The following DPEP1 variants were observed in gnomAD, a reference collection of about 807,000 sequenced individuals.
The protein encoded by DPEP1 is dipeptidase 1.
DPEP1 carries 50 observed loss-of-function variants against 42.3 expected under a neutral mutation model. The ratio of observed to expected loss-of-function variants is 1.18; its 90% CI spans 0.94 to 1.50. DPEP1 has a LOEUF of 1.50. Among genes scored for constraint, DPEP1 ranks in the 40% most tolerant of loss-of-function variants. The probability of loss-of-function intolerance (pLI) is 0.00; values close to 1 mark genes in which losing one functional copy is unlikely to be tolerated. For missense variants in DPEP1, 663 were observed against 553.0 expected, an observed-to-expected ratio of 1.20 and a Z score of -1.99; for synonymous variants, 297 against 234.0, an observed-to-expected ratio of 1.27 and a Z score of -2.46.
chr16:89,626,673 G>A (rs564190219), intron 1 of DPEP1, among the ~76,000 whole-genome samples: 1 of 152,210 alleles, frequency 6.6e-6, no homozygotes, highest in East Asian at 1.9e-4. Flanking sequence ...GTTTTTAAAA[G>A]TGTTTGGCAG....
intron 1 of DPEP1, among the ~76,000 whole-genome samples, chr16:89,628,921 G>A (rs2059550300): frequency 6.6e-6 from 1 of 151,786 alleles, no homozygotes; most frequent in Admixed American, 6.6e-5. Flanking sequence ...CCGCCTCCCG[G>A]GTTCAAGTGA....
rs947654116 is a variant in DPEP1, at chr16:89,638,275, G to T, written c.*53G>T. 1 of 1,484,896 alleles carries T rather than the reference G, an allele frequency of 6.7e-7. No individual in the cohort carries two copies. Among genetic ancestry groups the T allele is most frequent in the Non-Finnish European group, 8.9e-7 (1 of 1,119,552 alleles). The allele number at this position is 1,484,896 out of a possible 1,614,324, so 92.0% of individuals were successfully genotyped here. On this transcript the variant is annotated 3_prime_UTR_variant, in exon 11 of 11. Coordinates refer to ENST00000690203, the MANE Select transcript of DPEP1 (RefSeq NM_001389466.1). Reference sequence around the variant, plus strand: ...GGTTCCCGGAGCTCCGGGAAGACCCGCCCATCCCAGGACTCCAGATGCCAG... The same window carrying T: ...GGTTCCCGGAGCTCCGGGAAGACCCTCCCATCCCAGGACTCCAGATGCCAG...
intron 1 of DPEP1, among the ~76,000 whole-genome samples, chr16:89,622,356 A>T (rs1208044109): frequency 6.6e-6 from 1 of 152,126 alleles, no homozygotes; most frequent in East Asian, 1.9e-4. Flanking sequence ...GGTGGAAGAA[A>T]CAGAATTAAA....
chr16:89,641,352 C>T (rs1330343738), downstream of DPEP1, among the ~76,000 whole-genome samples: 11 of 152,150 alleles, frequency 7.2e-5, no homozygotes, highest in Admixed American at 6.5e-4. Flanking sequence ...CAGGCACTGA[C>T]GTGACCGCTA....
At chr16:89,628,382 C>G (rs935005012) in intron 1 of DPEP1, among the ~76,000 whole-genome samples, 9 of 150,654 alleles carry the variant, frequency 6.0e-5, no homozygotes, top group African/African-American at 2.2e-4. Context: ...CTCAGCCTCC[C>G]GAGTAGCTGG....
chr16:89,633,535 AG>A (rs1426723407), intron 2 of DPEP1, among the ~76,000 whole-genome samples: 2 of 152,192 alleles, frequency 1.3e-5, no homozygotes, highest in African/African-American at 4.8e-5. Context: ...CATAGATTTG[AG>A]CTGGGTCACA....
At position 89,638,367 on chromosome 16, in the gene DPEP1, A is replaced by T; in HGVS notation, c.*145A>T. On this transcript the variant is annotated 3_prime_UTR_variant, in exon 11 of 11. Coordinates refer to ENST00000690203, the MANE Select transcript of DPEP1 (RefSeq NM_001389466.1). ...GGACGCCTGGGCTTACCTGGGGGGC[A>T]GGATGCCTGGGGACAGTTCAGGACA... 7.0e-7 allele frequency: 1 copy of T among 1,424,352 alleles called. No individual in the cohort carries two copies. Among genetic ancestry groups the T allele is most frequent in the Non-Finnish European group, 9.1e-7 (1 of 1,094,258 alleles). The allele number at this position is 1,424,352 out of a possible 1,614,324, so 88.2% of individuals were successfully genotyped here. A position where few individuals can be genotyped will look rare whatever the true frequency, so the allele number is the denominator to read the frequency against.
chr16:89,625,460 A>G (rs1476146288), intron 1 of DPEP1, among the ~76,000 whole-genome samples: 1 of 152,190 alleles, frequency 6.6e-6, no homozygotes, highest in East Asian at 1.9e-4. Context: ...ACTGGGATCC[A>G]GTTTCCACGT....
rs766770308 is a variant in DPEP1 at position 89,637,383 on chromosome 16, G to A, written c.768+3G>A. On this transcript the variant is annotated splice_donor_region_variant and intron_variant, in intron 7 of 10. Coordinates refer to ENST00000690203, the MANE Select transcript of DPEP1 (RefSeq NM_001389466.1). ...CTGACGACGTCCTGAGGCTGGTGGTGAGGGCCGAGGGGGCGACCTCCACCC... is the reference window on the plus strand; with the variant it reads ...CTGACGACGTCCTGAGGCTGGTGGTAAGGGCCGAGGGGGCGACCTCCACCC... 2.3e-5 allele frequency: 37 copies of A among 1,612,088 alleles called. No homozygotes were observed. The highest frequency in any genetic ancestry group is 2.9e-5 in the Non-Finnish European group (34 of 1,179,864).
chr16:89,634,091 C>CTTCT lies in DPEP1; in HGVS notation c.105-1815_105-1814insCTTT, dbSNP rs1555631796. 1.3e-4 allele frequency among the ~76,000 whole-genome samples: 16 copies of CTTCT among 123,694 alleles called. No individual in the cohort carries two copies. The East Asian group carries it at 2.0e-3, about 15-fold the overall frequency. The allele number at this position is 123,694 out of a possible 152,430, so 81.1% of individuals were successfully genotyped here. A position where few individuals can be genotyped will look rare whatever the true frequency, so the allele number is the denominator to read the frequency against. On this transcript the variant is annotated intron_variant, in intron 2 of 10. Transcript: ENST00000690203. ...TATTTTTCTTTTCTCTTCTCTTCTT[C>CTTCT]TTTTTTTTTTTTTTTTGGAGGGAGT...
chr16:89,626,994 G>T (rs1023261561), intron 1 of DPEP1, among the ~76,000 whole-genome samples: 4 of 151,968 alleles, frequency 2.6e-5, no homozygotes, highest in Non-Finnish European at 5.9e-5. Flanking sequence ...AGGTATGGTG[G>T]CTCACACCTG....
rs550958471 is a variant in DPEP1, at chr16:89,613,783, C to T, written c.-107+64C>T. ...GTGCCCACCTGGGGTGGTGCAGGCC[C>T]GGGGACCCCAGGGCACCACTGTGGG... On this transcript the variant is annotated intron_variant, in intron 1 of 10. Transcript: ENST00000690203. The T allele has an allele frequency of 3.0e-4, 47 of 157,146 alleles. No individual in the cohort carries two copies. In the South Asian group the frequency reaches 6.8e-3, roughly 23 times the overall value. The allele number at this position is 157,146 out of a possible 1,614,324, so 9.7% of individuals were successfully genotyped here. A position where few individuals can be genotyped will look rare whatever the true frequency, so the allele number is the denominator to read the frequency against.
downstream of DPEP1, among the ~76,000 whole-genome samples, chr16:89,640,873 C>A (rs772237607): frequency 1.3e-5 from 2 of 152,048 alleles, no homozygotes; most frequent in Non-Finnish European, 2.9e-5. Flanking sequence ...ACGCGGAGAC[C>A]GGTAGTGGCC....
At position 89,637,714 on chromosome 16, in the gene DPEP1, G is replaced by T. The variant is rs748350545; in HGVS notation, c.929+7G>T. ...ACTTTGATGGTGTTCCAAGGTAAGG[G>T]GCTGAGAGCTCTGTCCTGTGGATGA... On this transcript the variant is annotated splice_region_variant and intron_variant, in intron 9 of 10. Coordinates refer to ENST00000690203, the MANE Select transcript of DPEP1 (RefSeq NM_001389466.1). 1 of 1,613,078 alleles carries T rather than the reference G, an allele frequency of 6.2e-7. No homozygotes were observed. The highest frequency in any genetic ancestry group is 8.5e-7 in the Non-Finnish European group (1 of 1,179,970).
intron 1 of DPEP1, among the ~76,000 whole-genome samples, chr16:89,628,112 C>T (rs748012885): frequency 2.0e-5 from 3 of 151,526 alleles, no homozygotes; most frequent in Non-Finnish European, 2.9e-5. Context: ...TTGGTAGAGA[C>T]GGGGTTTCAC....
downstream of DPEP1, chr16:89,638,440 G>A (rs1337123611): frequency 2.3e-6 from 3 of 1,326,136 alleles, no homozygotes; most frequent in Non-Finnish European, 2.9e-6. Context: ...CACATCCTGG[G>A]GTACGTGTCA....
chr16:89,625,903 G>T (rs140842081), intron 1 of DPEP1, among the ~76,000 whole-genome samples: 13 of 152,294 alleles, frequency 8.5e-5, no homozygotes, highest in Non-Finnish European at 1.6e-4. Context: ...GGTCGTGAGA[G>T]GGGAACCCAC....
rs1344543341 is a variant in DPEP1, at chr16:89,636,299, C to T, written c.273C>T (p.Asn91=). ...TGTACACGCCCTGCGACACCCAGAACAAAGACGCCGTGCGGAGGACGCTGG... is the reference window on the plus strand; with the variant it reads ...TGTACACGCCCTGCGACACCCAGAATAAAGACGCCGTGCGGAGGACGCTGG... The part of the protein sequence containing the change: ...WSVYTPCDTQ[N]KDAVRRTLEQ... The change falls in exon 4 of 11, where the codon AAC becomes AAT. Residue 91 remains asparagine, a synonymous_variant. Transcript: ENST00000690203. 6.2e-7 allele frequency: 1 copy of T among 1,611,888 alleles called. No individual in the cohort carries two copies. Among genetic ancestry groups the T allele is most frequent in the Middle Eastern group, 1.7e-4 (1 of 6,058 alleles).
At chr16:89,623,107 G>T (rs1207168135) in intron 1 of DPEP1, among the ~76,000 whole-genome samples, 2 of 151,924 alleles carry the variant, frequency 1.3e-5, no homozygotes, top group Non-Finnish European at 2.9e-5. Context: ...AGGTCAGGAG[G>T]CCCTTCCCTA....
Sources: allele counts gnomAD v4.1 joint callset (sites outside exome capture counted in the v4.1 genomes callset), GRCh38; gene constraint gnomAD v4.1.1; transcripts MANE v1.5; gene names NCBI Gene and HGNC (gene_info 2026-07-23, HGNC 2026-07-21).